CRACD: variants seen among roughly 807,000 people sequenced by gnomAD.
CRACD encodes capping protein-inhibiting regulator of actin dynamics.
Under a neutral mutation model 106.8 loss-of-function variants are expected in CRACD, and 56 were observed. The ratio of observed to expected loss-of-function variants is 0.52; its 90% confidence interval spans 0.42 to 0.66. The LOEUF (loss-of-function observed/expected upper bound fraction) is 0.66, where lower values mean the gene tolerates loss of function less well. Among genes scored for constraint, CRACD ranks in the 30% least tolerant of loss-of-function variants. The probability of loss-of-function intolerance (pLI) is 0.00; values close to 1 mark genes in which losing one functional copy is unlikely to be tolerated. For synonymous variants in CRACD, 754 were observed against 670.8 expected (o/e 1.12, Z -1.92); for missense variants, 1,730 against 1,623.2 (o/e 1.07, Z -1.13).
intron 2 of CRACD, among the ~76,000 whole-genome samples, chr4:56,270,460 A>G (rs1229624319): frequency 6.6e-6 from 1 of 152,124 alleles, no homozygotes; most frequent in East Asian, 1.9e-4. Context: ...GTGTGCCTGG[A>G]TTCCTCTATG....
At chr4:56,103,246 T>A (rs1292229145) in intron 1 of CRACD, among the ~76,000 whole-genome samples, 1 of 152,196 alleles carries the variant, frequency 6.6e-6, no homozygotes, top group Admixed American at 6.5e-5. Context: ...CCATATGGAC[T>A]GTATTGAAGA....
rs113646830 is a variant in CRACD at position 56,215,791 on chromosome 4, G to C, written c.-189+36361G>C. Among the ~76,000 whole-genome samples, 700 of 152,288 alleles carry C rather than the reference G, an allele frequency of 4.6e-3. 4 individuals carry two copies. Among genetic ancestry groups the C allele is most frequent in the African/African-American group, 0.016 (663 of 41,552 alleles). ...TTCCGGTGGTTCTAAATGCATTATTGATTAGTAACAGAATTGACTAGCATA... is the reference window on the plus strand; with the variant it reads ...TTCCGGTGGTTCTAAATGCATTATTCATTAGTAACAGAATTGACTAGCATA... On this transcript the variant is annotated intron_variant, in intron 2 of 10. Coordinates refer to ENST00000682029, the MANE Select transcript of CRACD (RefSeq NM_001393381.1).
At chr4:56,157,660 C>G (rs1262576570) in intron 1 of CRACD, among the ~76,000 whole-genome samples, 2 of 152,034 alleles carry the variant, frequency 1.3e-5, no homozygotes, top group African/African-American at 4.8e-5. Flanking sequence ...AAGGATGATA[C>G]TATGAAAGAA....
intron 2 of CRACD, among the ~76,000 whole-genome samples, chr4:56,197,276 A>T (rs1381146574): frequency 6.6e-6 from 1 of 152,178 alleles, no homozygotes; most frequent in Admixed American, 6.5e-5. Flanking sequence ...TTAAAAAAAA[A>T]AATGTAGCTA....
intron 1 of CRACD, among the ~76,000 whole-genome samples, chr4:56,113,738 A>C (rs1387167345): frequency 6.6e-6 from 1 of 152,104 alleles, no homozygotes; most frequent in Non-Finnish European, 1.5e-5. Flanking sequence ...TAGAGATGGG[A>C]GTTGGGTTCT....
chr4:56,296,920 GT>G (rs5858372), intron 3 of CRACD, among the ~76,000 whole-genome samples: 63,301 of 130,404 alleles, frequency 0.49, 14,180 homozygotes, highest in Non-Finnish European at 0.53. Context: ...TTTTTTGTTT[GT>G]TTTTTTTTTT....
At chr4:56,243,454 TGA>T (rs757503692) in intron 2 of CRACD, among the ~76,000 whole-genome samples, 2 of 152,194 alleles carry the variant, frequency 1.3e-5, no homozygotes, top group Non-Finnish European at 2.9e-5. Context: ...CTAACTTGTT[TGA>T]GTCACTGTAT....
At chr4:56,237,342 A>T (rs1237788071) in intron 2 of CRACD, among the ~76,000 whole-genome samples, 2 of 152,166 alleles carry the variant, frequency 1.3e-5, no homozygotes, top group Non-Finnish European at 2.9e-5. Flanking sequence ...ATTTAAAGAG[A>T]CCCAGGCATG....
intron 2 of CRACD, among the ~76,000 whole-genome samples, chr4:56,207,990 T>A (rs1480357809): frequency 6.7e-6 from 1 of 150,360 alleles, no homozygotes; most frequent in African/African-American, 2.4e-5. Context: ...TTAATTAATT[T>A]TTTTTTTTTT....
rs537122826 is a variant in CRACD, at chr4:56,305,952, G to A, written c.121-1583G>A. Among the ~76,000 whole-genome samples, 8 of 152,328 alleles carry A rather than the reference G, an allele frequency of 5.3e-5. No homozygotes were observed. In the South Asian group the frequency reaches 1.7e-3, roughly 32 times the overall value. On this transcript the variant is annotated intron_variant, in intron 4 of 10. Transcript: ENST00000682029. ...AGAAATACTCTGCCTCTTTATTTCT[G>A]CCCCTGGAAGAAAGAAGTACAAAGT...
intron 1 of CRACD, among the ~76,000 whole-genome samples, chr4:56,082,229 G>A (rs1560445624): frequency 6.6e-6 from 1 of 152,108 alleles, no homozygotes; most frequent in Non-Finnish European, 1.5e-5. Context: ...AGCAATCTGG[G>A]CATTCCAGAC....
At chr4:56,286,550 T>C (rs1370993358) in intron 3 of CRACD, among the ~76,000 whole-genome samples, 1 of 99,652 alleles carries the variant, frequency 1.0e-5, no homozygotes, top group Admixed American at 1.1e-4. Context: ...AAAAAAAAGA[T>C]TACCGTAGGG....
intron 2 of CRACD, among the ~76,000 whole-genome samples, chr4:56,262,964 AG>A (rs1286048742): frequency 6.6e-6 from 1 of 152,188 alleles, no homozygotes; most frequent in Non-Finnish European, 1.5e-5. Flanking sequence ...AGGGAATGGT[AG>A]GTCTATGTTG....
Position 56,315,510 on chromosome 4 carries a change from T to A in CRACD, c.2008T>A (p.Ser670Thr). 1 of 1,613,702 alleles carries A rather than the reference T, an allele frequency of 6.2e-7. No individual in the cohort carries two copies. The highest frequency in any genetic ancestry group is 8.5e-7 in the Non-Finnish European group (1 of 1,179,976). The change falls in exon 8 of 11, where the codon TCC becomes ACC. Residue 670 changes from serine (S) to threonine (T), a missense_variant. Coordinates refer to ENST00000682029, the MANE Select transcript of CRACD (RefSeq NM_001393381.1). The surrounding 1 kb of genome is among the most constrained non-coding windows in gnomAD (Gnocchi z 4.1). ...SSASALAEWA[S>T]IRSRILKNAE... ...CGCGTCCGCACTCGCAGAATGGGCT[T>A]CCATTCGGTCCAGAATCCTGAAGAA... is the stretch of plus-strand genomic sequence containing the variant.
At chr4:56,158,641 G>A (rs1380288287) in intron 1 of CRACD, among the ~76,000 whole-genome samples, 2 of 152,192 alleles carry the variant, frequency 1.3e-5, no homozygotes, top group Non-Finnish European at 2.9e-5. Context: ...CTTTATGGCT[G>A]GCTGTCATGT....
chr4:56,159,617 A>C (rs1414564078), intron 1 of CRACD, among the ~76,000 whole-genome samples: 1 of 152,104 alleles, frequency 6.6e-6, no homozygotes, highest in Non-Finnish European at 1.5e-5. Context: ...GTGCCACTGC[A>C]CTCCAGCTTG....
intron 2 of CRACD, among the ~76,000 whole-genome samples, chr4:56,264,113 G>A (rs1741864671): frequency 6.6e-6 from 1 of 152,090 alleles, no homozygotes; most frequent in African/African-American, 2.4e-5. Context: ...GAGCGAAGGG[G>A]AAAATGCTAC....
At chr4:56,067,359 G>A (rs1390381564) in intron 1 of CRACD, among the ~76,000 whole-genome samples, 2 of 152,170 alleles carry the variant, frequency 1.3e-5, no homozygotes, top group African/African-American at 4.8e-5. Context: ...AATCTGGCCT[G>A]CCCCAAAACA....
intron 8 of CRACD, among the ~76,000 whole-genome samples, chr4:56,317,200 T>C (rs1745732344): frequency 6.6e-6 from 1 of 152,176 alleles, no homozygotes; most frequent in Non-Finnish European, 1.5e-5. Flanking sequence ...CTTGCGCTCC[T>C]TGTCTGCCTC....
Sources: gnomAD v4.1 joint callset for allele counts (sites outside exome capture counted in the v4.1 genomes callset) on GRCh38, gnomAD v4.1.1 for gene constraint, Gnocchi (gnomAD v3.1) non-coding constraint, MANE v1.5 for transcripts, NCBI Gene and HGNC (gene_info 2026-07-23, HGNC 2026-07-21) for gene names.